The following CNBD1 variants were observed in gnomAD, a reference collection of about 807,000 sequenced individuals.
CNBD1 encodes the protein cyclic nucleotide binding domain containing 1, also known as cyclic nucleotide-binding domain-containing protein 1.
In CNBD1, 71 loss-of-function variants were observed where a neutral mutation model predicts 54.4. The ratio of observed to expected loss-of-function variants is 1.30; its 90% CI spans 1.08 to 1.59. CNBD1 has a LOEUF of 1.59. Among genes scored for constraint, CNBD1 ranks in the 40% most tolerant of loss-of-function variants. CNBD1 has a pLI of 0.00. For missense variants in CNBD1, 659 were observed against 518.0 expected (o/e 1.27, Z -2.64); for synonymous variants, 182 against 170.7 (o/e 1.07, Z -0.51).
intron 5 of CNBD1, among the ~76,000 whole-genome samples, chr8:87,229,233 G>A (rs192763564): frequency 3.3e-5 from 5 of 152,186 alleles, no homozygotes; most frequent in Non-Finnish European, 7.4e-5. Context: ...GCTGGGAGCT[G>A]TAGACCGCAG....
rs1430753580 is a variant in CNBD1 at position 87,326,547 on chromosome 8, ATTCAT to A, written c.1043-25132_1043-25128del. ...TAACCTTCCCTTCTCGCTTCATTTC[ATTCAT>A]TTCATCTTCCATTGCTGATACCCTT... On this transcript the variant is annotated intron_variant, in intron 8 of 10. Coordinates refer to ENST00000518476, the MANE Select transcript of CNBD1 (RefSeq NM_173538.3). 6.1e-5 allele frequency among the ~76,000 whole-genome samples: 7 copies of A among 115,588 alleles called. 1 individual carries two copies. The highest frequency in any genetic ancestry group is 4.2e-4 in the East Asian group (2 of 4,716). 75.8% of individuals were successfully genotyped at this position (115,588 alleles called of 152,430 possible).
intron 8 of CNBD1, among the ~76,000 whole-genome samples, chr8:87,326,172 C>A (rs1031699386): frequency 3.9e-5 from 5 of 127,652 alleles, no homozygotes; most frequent in Non-Finnish European, 8.7e-5. Flanking sequence ...CCGAGAGATC[C>A]GCTGTTAGTC....
chr8:87,363,785 T>C (rs1170446766), intron 10 of CNBD1, among the ~76,000 whole-genome samples: 1 of 152,104 alleles, frequency 6.6e-6, no homozygotes, highest in Non-Finnish European at 1.5e-5. Flanking sequence ...TTGCAAAATT[T>C]TTCTCCCATT....
intron 6 of CNBD1, among the ~76,000 whole-genome samples, chr8:87,278,092 G>C (rs1388789474): frequency 1.3e-5 from 2 of 151,414 alleles, no homozygotes; most frequent in Non-Finnish European, 3.0e-5. Flanking sequence ...CTGAAGAAGA[G>C]AGTTACTAAA....
Position 87,131,211 on chromosome 8 carries a change from C to G in CNBD1, c.432-74782C>G, listed in dbSNP as rs193193462. Among the ~76,000 whole-genome samples, 5 of 152,020 alleles carry G rather than the reference C, an allele frequency of 3.3e-5. No individual in the cohort carries two copies. In the East Asian group the frequency reaches 9.7e-4, roughly 29 times the overall value. On this transcript the variant is annotated intron_variant, in intron 4 of 10. Transcript: ENST00000518476. Reference sequence around the variant, plus strand: ...TTCGTGTGCTTGGATTTTTGTCTACCACTTCACTACTTGTTTTATATTTTT... The same window carrying G: ...TTCGTGTGCTTGGATTTTTGTCTACGACTTCACTACTTGTTTTATATTTTT...
intron 10 of CNBD1, among the ~76,000 whole-genome samples, chr8:87,370,341 T>C (rs561780430): frequency 1.1e-4 from 16 of 152,224 alleles, no homozygotes; most frequent in East Asian, 3.9e-4. Context: ...TACAGTCCCA[T>C]CAACAGTGTA....
At chr8:87,411,427 T>TATATATATATATATATA (rs71277943) in intron 2 of CNBD1, among the ~76,000 whole-genome samples, 128 of 140,810 alleles carry the variant, frequency 9.1e-4, no homozygotes, top group East Asian at 4.2e-3. Context: ...TATATATATA[T>TATATATATATATATATA]TTCATTCACA....
intron 4 of CNBD1, among the ~76,000 whole-genome samples, chr8:86,969,543 G>A (rs1808171218): frequency 6.6e-6 from 1 of 151,950 alleles, no homozygotes; most frequent in Admixed American, 6.6e-5. Context: ...TTATACCACT[G>A]AATGTTTGAT....
At chr8:86,872,350 GA>G (rs1198412397) in intron 1 of CNBD1, among the ~76,000 whole-genome samples, 1 of 152,014 alleles carries the variant, frequency 6.6e-6, no homozygotes, top group Non-Finnish European at 1.5e-5. Flanking sequence ...CCAGTATGAA[GA>G]AATTATATAT....
chr8:87,375,144 T>C (rs1810900557), intron 10 of CNBD1, among the ~76,000 whole-genome samples: 1 of 151,878 alleles, frequency 6.6e-6, no homozygotes, highest in Admixed American at 6.6e-5. Context: ...TAAGTTTTAG[T>C]ATGGTTTTGA....
chr8:87,134,860 C>A (rs897301400), intron 4 of CNBD1, among the ~76,000 whole-genome samples: 1 of 151,992 alleles, frequency 6.6e-6, no homozygotes, highest in Non-Finnish European at 1.5e-5. Context: ...CTGCCCGCCT[C>A]AGCCTCCCAA....
intron 6 of CNBD1, among the ~76,000 whole-genome samples, chr8:87,239,512 A>G (rs1329226195): frequency 1.3e-5 from 2 of 152,164 alleles, no homozygotes; most frequent in African/African-American, 4.8e-5. Context: ...GCTTTATAAA[A>G]AAACATTATT....
intron 8 of CNBD1, among the ~76,000 whole-genome samples, chr8:87,298,192 A>G (rs1808916841): frequency 6.6e-6 from 1 of 151,830 alleles, no homozygotes; most frequent in Non-Finnish European, 1.5e-5. Context: ...AGGTAATTTT[A>G]TATTCCACAA....
chr8:87,013,685 A>C (rs987696667), intron 4 of CNBD1, among the ~76,000 whole-genome samples: 8 of 151,250 alleles, frequency 5.3e-5, no homozygotes, highest in Non-Finnish European at 5.9e-5. Context: ...TCATGGCTAA[A>C]GTACTAAAGT....
In CNBD1 at chr8:86,969,664, A is replaced by T. The variant is rs141816488; in HGVS notation, c.431+29910A>T. On this transcript the variant is annotated intron_variant, in intron 4 of 10. Transcript: ENST00000518476. ...CTCACAAACTATAAGGCTCAATATT[A>T]TATTATAATATTACCTATTACAATA... 4.8e-3 allele frequency among the ~76,000 whole-genome samples: 735 copies of T among 151,966 alleles called. 1 individual carries two copies. Among genetic ancestry groups the T allele is most frequent in the Non-Finnish European group, 8.1e-3 (553 of 67,910 alleles).
At chr8:87,294,075 G>A (rs1808831893) in intron 8 of CNBD1, among the ~76,000 whole-genome samples, 1 of 152,032 alleles carries the variant, frequency 6.6e-6, no homozygotes, top group South Asian at 2.1e-4. Context: ...AAGTTTTAGG[G>A]GAATAGCAGA....
At chr8:87,047,621 G>T (rs1035498598) in intron 4 of CNBD1, among the ~76,000 whole-genome samples, 1 of 152,206 alleles carries the variant, frequency 6.6e-6, no homozygotes, top group Non-Finnish European at 1.5e-5. Flanking sequence ...CTGTCTGTCT[G>T]CTTTTCCACT....
At chr8:86,914,128 T>C (rs1362238886) in intron 3 of CNBD1, among the ~76,000 whole-genome samples, 1 of 152,206 alleles carries the variant, frequency 6.6e-6, no homozygotes, top group Non-Finnish European at 1.5e-5. Flanking sequence ...ACACACATGC[T>C]TTACAATTTG....
At position 87,205,986 on chromosome 8, in the gene CNBD1, TTTTGAGGCCCA is replaced by T; in HGVS notation, c.432-4_438del. 6.8e-7 allele frequency: 1 copy of T among 1,478,912 alleles called. No homozygotes were observed. Among genetic ancestry groups the T allele is most frequent in the Non-Finnish European group, 8.9e-7 (1 of 1,118,380 alleles). The allele number at this position is 1,478,912 out of a possible 1,614,324, so 91.6% of individuals were successfully genotyped here. A position where few individuals can be genotyped will look rare whatever the true frequency, so the allele number is the denominator to read the frequency against. On this transcript the variant is annotated splice_acceptor_variant and splice_polypyrimidine_tract_variant and coding_sequence_variant and intron_variant, in exon 5 of 11. Transcript: ENST00000518476. LOFTEE classifies it high-confidence loss of function. ...TCTCTGAATTTGTATTTTTTTTTTT[TTTTGAGGCCCA>T]TTCACAGGACGCCATATGAACACAA...
Sources: gnomAD v4.1 joint callset for allele counts (sites outside exome capture counted in the v4.1 genomes callset) on GRCh38, gnomAD v4.1.1 for gene constraint, MANE v1.5 for transcripts, NCBI Gene and HGNC (gene_info 2026-07-23, HGNC 2026-07-21) for gene names.